Variants in RTN4RL1 observed in about 807,000 individuals in gnomAD.
RTN4RL1 encodes the protein reticulon-4 receptor-like 1.
Under a neutral mutation model 25.6 loss-of-function variants are expected in RTN4RL1, and 7 were observed. The ratio of observed to expected loss-of-function variants is 0.27; its 90% CI spans 0.16 to 0.51. RTN4RL1 has a LOEUF of 0.51. RTN4RL1 is among the 20% of genes least tolerant of loss of function. The pLI is 0.97. For missense variants in RTN4RL1, 500 were observed against 615.6 expected, an observed-to-expected ratio of 0.81 and a Z score of 1.99; for synonymous variants, 297 against 288.2, an observed-to-expected ratio of 1.03 and a Z score of -0.31.
intron 1 of RTN4RL1, among the ~76,000 whole-genome samples, chr17:1,941,005 C>G (rs1042381142): frequency 6.6e-5 from 10 of 152,142 alleles, no homozygotes; most frequent in Middle Eastern, 3.2e-3. Context: ...TGATATGTGT[C>G]CGGCTCAGCG....
intron 1 of RTN4RL1, among the ~76,000 whole-genome samples, chr17:2,004,344 G>A (rs1438708242): frequency 6.9e-6 from 1 of 144,776 alleles, no homozygotes; most frequent in African/African-American, 2.6e-5. Flanking sequence ...CTCCAGCCTG[G>A]GCAACAGAGC....
chr17:1,956,267 C>T (rs1386621067), intron 1 of RTN4RL1, among the ~76,000 whole-genome samples: 1 of 152,170 alleles, frequency 6.6e-6, no homozygotes, highest in Non-Finnish European at 1.5e-5. Flanking sequence ...AACACCACGC[C>T]CAGATACAAT....
chr17:1,972,523 C>T (rs780336989), intron 1 of RTN4RL1, among the ~76,000 whole-genome samples: 13 of 152,130 alleles, frequency 8.5e-5, no homozygotes, highest in Non-Finnish European at 1.2e-4. Context: ...TGACCCTTCC[C>T]GCTTTGCGGC....
At position 1,998,488 on chromosome 17, in the gene RTN4RL1, C is replaced by T. The variant is rs1186307337; in HGVS notation, c.13+26365G>A. On this transcript the variant is annotated intron_variant, in intron 1 of 1. Transcript: ENST00000331238. The surrounding 1 kb of genome is among the most constrained non-coding windows in gnomAD (Gnocchi z 4.9). ...CACGCGCCCCGCTCGGGTCGGGCCT[C>T]CCCTCCCCGCGGCTGCCCCCGGGCC... Among the ~76,000 whole-genome samples, 3 of 151,988 alleles carry T rather than the reference C, an allele frequency of 2.0e-5. No individual in the cohort carries two copies. Among genetic ancestry groups the T allele is most frequent in the Admixed American group, 1.3e-4 (2 of 15,260 alleles).
At chr17:1,981,498 C>T (rs1281325197) in intron 1 of RTN4RL1, among the ~76,000 whole-genome samples, 3 of 152,244 alleles carry the variant, frequency 2.0e-5, no homozygotes, top group Non-Finnish European at 2.9e-5. Flanking sequence ...GGCCTTCCCT[C>T]CCTTTTGCCC....
chr17:2,007,945 C>CA (rs1184132174), intron 1 of RTN4RL1, among the ~76,000 whole-genome samples: 7 of 147,226 alleles, frequency 4.8e-5, no homozygotes, highest in East Asian at 2.0e-4. Context: ...GACTCCGTCT[C>CA]AAAAAAAACC....
At chr17:1,991,472 A>ACAAAC (rs1567518485) in intron 1 of RTN4RL1, among the ~76,000 whole-genome samples, 8 of 149,580 alleles carry the variant, frequency 5.3e-5, no homozygotes, top group African/African-American at 2.0e-4. Flanking sequence ...AACAAAAAAA[A>ACAAAC]ACTTCAAAGA....
intron 1 of RTN4RL1, among the ~76,000 whole-genome samples, chr17:1,957,305 T>C (rs1165942045): frequency 2.0e-5 from 3 of 152,158 alleles, no homozygotes; most frequent in Admixed American, 1.3e-4. Context: ...GATTCAACCC[T>C]TTCCTCTGTT....
At chr17:1,954,222 G>C (rs1435172132) in intron 1 of RTN4RL1, among the ~76,000 whole-genome samples, 1 of 151,976 alleles carries the variant, frequency 6.6e-6, no homozygotes, top group Non-Finnish European at 1.5e-5. Context: ...TTTTTGCTCA[G>C]TCAGTCAGAC....
At chr17:1,964,788 CTTTT>C (rs34138766) in intron 1 of RTN4RL1, among the ~76,000 whole-genome samples, 15 of 124,720 alleles carry the variant, frequency 1.2e-4, no homozygotes, top group Admixed American at 1.7e-4. Context: ...CTTTTCTTTT[CTTTT>C]TTTTTTTTTT....
intron 1 of RTN4RL1, among the ~76,000 whole-genome samples, chr17:1,954,551 C>G (rs1471660138): frequency 1.3e-5 from 2 of 152,144 alleles, no homozygotes; most frequent in Admixed American, 1.3e-4. Context: ...CCACGCCAAG[C>G]TAGTTTTTGT....
intron 1 of RTN4RL1, among the ~76,000 whole-genome samples, chr17:1,982,467 T>C (rs1042608557): frequency 2.6e-5 from 4 of 151,082 alleles, no homozygotes; most frequent in African/African-American, 9.8e-5. Flanking sequence ...AAAAAAAAAT[T>C]AGCCAGGCAT....
chr17:1,965,171 G>A (rs528698183), intron 1 of RTN4RL1, among the ~76,000 whole-genome samples: 612 of 149,880 alleles, frequency 4.1e-3, no homozygotes, highest in Non-Finnish European at 6.8e-3. Context: ...GTGCAATGGC[G>A]CGATCTCACC....
At chr17:1,960,827 C>T (rs1351696578) in intron 1 of RTN4RL1, among the ~76,000 whole-genome samples, 1 of 152,132 alleles carries the variant, frequency 6.6e-6, no homozygotes, top group African/African-American at 2.4e-5. Context: ...AGTTTTCACA[C>T]TGACGGTTCC....
chr17:1,979,311 C>CA (rs970085717), intron 1 of RTN4RL1, among the ~76,000 whole-genome samples: 1 of 150,694 alleles, frequency 6.6e-6, no homozygotes, highest in African/African-American at 2.4e-5. Flanking sequence ...CCCATCTCTA[C>CA]AAAAAAATAC....
chr17:1,940,378 G>A (rs1470613293), intron 1 of RTN4RL1, among the ~76,000 whole-genome samples: 3 of 152,126 alleles, frequency 2.0e-5, no homozygotes, highest in Non-Finnish European at 4.4e-5. Context: ...CTTCTGTCCC[G>A]CCCAGTGCAC....
intron 1 of RTN4RL1, among the ~76,000 whole-genome samples, chr17:2,001,950 G>T (rs905310725): frequency 1.9e-4 from 29 of 151,598 alleles, no homozygotes; most frequent in African/African-American, 2.2e-4. Flanking sequence ...GGGAGGGAGT[G>T]GGGGGAGCTC....
intron 1 of RTN4RL1, among the ~76,000 whole-genome samples, chr17:1,961,385 C>T (rs534947383): frequency 1.3e-5 from 2 of 152,208 alleles, no homozygotes; most frequent in South Asian, 4.1e-4. Context: ...CCTGGAGGCG[C>T]GAGAGAGGGA....
intron 1 of RTN4RL1, among the ~76,000 whole-genome samples, chr17:1,996,361 C>T (rs993894146): frequency 6.6e-6 from 1 of 152,088 alleles, no homozygotes; most frequent in Non-Finnish European, 1.5e-5. Context: ...GGGCAGAGTA[C>T]GGGTGAACAG....
Sources: gnomAD v4.1 joint callset for allele counts (sites outside exome capture counted in the v4.1 genomes callset) on GRCh38, gnomAD v4.1.1 for gene constraint, Gnocchi (gnomAD v3.1) non-coding constraint, MANE v1.5 for transcripts, NCBI Gene and HGNC (gene_info 2026-07-23, HGNC 2026-07-21) for gene names.